The following NMNAT2 variants were observed in gnomAD, a reference collection of about 807,000 sequenced individuals.
NMNAT2 encodes nicotinamide/nicotinic acid mononucleotide adenylyltransferase 2.
In NMNAT2, 11 loss-of-function variants were observed where a neutral mutation model predicts 41.6. The observed-to-expected ratio is 0.26, with a 90% CI of 0.17 to 0.44. The LOEUF is 0.44. Among genes scored for constraint, NMNAT2 ranks in the 20% least tolerant of loss-of-function variants. The pLI is 1.00. For synonymous variants in NMNAT2, 148 were observed against 151.2 expected, an observed-to-expected ratio of 0.98 and a Z score of 0.16; for missense variants, 288 against 407.7, an observed-to-expected ratio of 0.71 and a Z score of 2.53.
intron 8 of NMNAT2, among the ~76,000 whole-genome samples, chr1:183,274,957 G>C (rs1192388349): frequency 6.6e-6 from 1 of 152,076 alleles, no homozygotes; most frequent in Non-Finnish European, 1.5e-5. Context: ...CAGCACACTA[G>C]GGGCAAAACC....
At chr1:183,408,515 C>T (rs769313188) in intron 1 of NMNAT2, among the ~76,000 whole-genome samples, 5 of 151,880 alleles carry the variant, frequency 3.3e-5, no homozygotes, top group Non-Finnish European at 7.4e-5. Flanking sequence ...CATAGTTTGC[C>T]GACCTCTGAG....
intron 10 of NMNAT2, among the ~76,000 whole-genome samples, chr1:183,257,173 T>C (rs990696963): frequency 3.9e-5 from 6 of 152,056 alleles, no homozygotes; most frequent in Non-Finnish European, 7.4e-5. Flanking sequence ...CCAGGCGTAG[T>C]GGTTCATGCC....
intron 8 of NMNAT2, among the ~76,000 whole-genome samples, chr1:183,266,347 C>G (rs1660815294): frequency 6.6e-6 from 1 of 152,172 alleles, no homozygotes; most frequent in Non-Finnish European, 1.5e-5. Flanking sequence ...CTCCTTGGCT[C>G]AAAATCTTTC....
intron 1 of NMNAT2, among the ~76,000 whole-genome samples, chr1:183,364,609 T>C (rs997897134): frequency 4.2e-5 from 6 of 142,132 alleles, no homozygotes; most frequent in African/African-American, 1.0e-4. Flanking sequence ...AATTTTGTTA[T>C]ATATAAGTAG....
At chr1:183,373,691 C>T (rs1663605555) in intron 1 of NMNAT2, among the ~76,000 whole-genome samples, 1 of 151,148 alleles carries the variant, frequency 6.6e-6, no homozygotes, top group South Asian at 2.1e-4. Context: ...CATCTCGGCT[C>T]ACTGCAACCT....
chr1:183,413,058 C>G (rs78384154), intron 1 of NMNAT2, among the ~76,000 whole-genome samples: 1 of 152,030 alleles, frequency 6.6e-6, no homozygotes, highest in South Asian at 2.1e-4. Context: ...TTGTATAATG[C>G]TAAAGAGAAT....
At chr1:183,321,890 C>T (rs548334272) in intron 1 of NMNAT2, among the ~76,000 whole-genome samples, 1 of 152,264 alleles carries the variant, frequency 6.6e-6, no homozygotes, top group South Asian at 2.1e-4. Flanking sequence ...GCGATCACAG[C>T]TCACTGCAGC....
chr1:183,376,312 A>G (rs1663678163), intron 1 of NMNAT2, among the ~76,000 whole-genome samples: 3 of 152,244 alleles, frequency 2.0e-5, no homozygotes, highest in Non-Finnish European at 4.4e-5. Context: ...TCTCCTTTCC[A>G]GGAGTTTACA....
chr1:183,292,634 T>C (rs753100573), intron 3 of NMNAT2, among the ~76,000 whole-genome samples, 156 bp downstream of exon 3: 6 of 152,224 alleles, frequency 3.9e-5, no homozygotes, highest in Admixed American at 6.5e-5. Context: ...TAGGTATCCC[T>C]GGAGGTCTAC....
chr1:183,255,799 G>A (rs640435), intron 10 of NMNAT2, among the ~76,000 whole-genome samples: 5,545 of 151,654 alleles, frequency 0.037, 343 homozygotes, highest in African/African-American at 0.13. Flanking sequence ...GAGTAGCTCG[G>A]ATTACAGGCA....
intron 8 of NMNAT2, chr1:183,267,400 G>T (rs1390852110): frequency 1.3e-5 from 2 of 152,194 alleles, no homozygotes; most frequent in Admixed American, 6.5e-5. Context: ...GTGTCGAGGG[G>T]CTGCAGCCTC....
intron 4 of NMNAT2, among the ~76,000 whole-genome samples, chr1:183,287,135 C>A (rs930359094): frequency 6.6e-6 from 1 of 152,066 alleles, no homozygotes; most frequent in African/African-American, 2.4e-5. Flanking sequence ...GTCACACAAG[C>A]GAGCATATGC....
chr1:183,258,656 C>A lies in NMNAT2; in HGVS notation c.821+2346G>T, dbSNP rs151256990. On this transcript the variant is annotated intron_variant, in intron 10 of 10. Coordinates refer to ENST00000287713, the MANE Select transcript of NMNAT2 (RefSeq NM_015039.4). Reference sequence around the variant, plus strand: ...AAATTACGGTTTAGGAGTCATGCAGCTGAAGGCTACAAGATCTGACCCTCC... The same window carrying A: ...AAATTACGGTTTAGGAGTCATGCAGATGAAGGCTACAAGATCTGACCCTCC... Among the ~76,000 whole-genome samples the A allele has an allele frequency of 3.9e-5, 6 of 152,300 alleles. No homozygotes were observed. In the East Asian group the frequency reaches 1.2e-3, roughly 29 times the overall value.
chr1:183,353,800 C>T (rs980061276), intron 1 of NMNAT2, among the ~76,000 whole-genome samples: 1 of 152,110 alleles, frequency 6.6e-6, no homozygotes, highest in African/African-American at 2.4e-5. Flanking sequence ...GTATTCAGAC[C>T]TCCAGCTGGG....
At chr1:183,361,786 C>A (rs1034320520) in intron 1 of NMNAT2, among the ~76,000 whole-genome samples, 5 of 152,116 alleles carry the variant, frequency 3.3e-5, no homozygotes, top group African/African-American at 1.2e-4. Context: ...TACAGACACT[C>A]CAAGCAAGCA....
At chr1:183,308,580 G>A (rs187818057) in intron 1 of NMNAT2, among the ~76,000 whole-genome samples, 5 of 152,252 alleles carry the variant, frequency 3.3e-5, no homozygotes, top group Non-Finnish European at 4.4e-5. Context: ...ATGTTGGTAC[G>A]TCCATTTGAA....
At chr1:183,275,029 A>G (rs959392472) in intron 8 of NMNAT2, among the ~76,000 whole-genome samples, 8 of 152,148 alleles carry the variant, frequency 5.3e-5, no homozygotes, top group Admixed American at 6.5e-5. Flanking sequence ...AGACTCAGCC[A>G]GGAGTTCCTG....
chr1:183,320,498 C>T (rs148650507), intron 1 of NMNAT2, among the ~76,000 whole-genome samples: 5,015 of 152,132 alleles, frequency 0.033, 220 homozygotes, highest in African/African-American at 0.1. Flanking sequence ...GCCAGCTACT[C>T]GGGAGGCTGA....
At position 183,404,822 on chromosome 1, in the gene NMNAT2, T is replaced by C. The variant is rs75658001; in HGVS notation, c.85+13361A>G. On this transcript the variant is annotated intron_variant, in intron 1 of 10. Transcript: ENST00000287713. ...ATTAGACATCTTCCCATACCAACCC[T>C]GTCTGCAACCCAAATGGTCAAGCAA... Among the ~76,000 whole-genome samples, 55 of 152,332 alleles carry C rather than the reference T, an allele frequency of 3.6e-4. No homozygotes were observed. In the East Asian group the frequency reaches 0.01, roughly 28 times the overall value.
Sources: gnomAD v4.1 joint callset for allele counts (sites outside exome capture counted in the v4.1 genomes callset) on GRCh38, gnomAD v4.1.1 for gene constraint, MANE v1.5 for transcripts, NCBI Gene and HGNC (gene_info 2026-07-23, HGNC 2026-07-21) for gene names.